ACAD10: variants seen among roughly 807,000 people sequenced by gnomAD.
ACAD10 encodes the protein ACAD-10.
In ACAD10, 112 loss-of-function variants were observed where a neutral mutation model predicts 116.8. That is an observed-to-expected ratio of 0.96 (90% CI 0.82 to 1.12). The LOEUF (loss-of-function observed/expected upper bound fraction) is 1.12. ACAD10 is among the 50% of genes most tolerant of loss of function. The pLI, the probability that ACAD10 is intolerant of heterozygous loss-of-function variation, is 0.00. For synonymous variants in ACAD10, 486 were observed against 510.6 expected (o/e 0.95, Z 0.65); for missense variants, 1,259 against 1,350.2 (o/e 0.93, Z 1.06).
Position 111,692,790 on chromosome 12 carries a change from G to A in ACAD10, c.81G>A (p.Arg27=). The A allele has an allele frequency of 6.2e-7, 1 of 1,614,208 alleles. No homozygotes were observed. Among genetic ancestry groups the A allele is most frequent in the South Asian group, 1.1e-5 (1 of 91,086 alleles). ...CCTTCCTGAAACACACCCAGCGCAG[G>A]CACCAGGGGTCCCACCGATGGACAC... ...RTAFLKHTQR[R]HQGSHRWTHL... The change falls in exon 2 of 21, where the codon AGG becomes AGA. Residue 27 remains arginine, a synonymous_variant. Coordinates refer to ENST00000313698, the MANE Select transcript of ACAD10 (RefSeq NM_025247.6).
chr12:111,705,559 T>C (rs1403728052), intron 3 of ACAD10, among the ~76,000 whole-genome samples, 179 bp from the exon 4 acceptor site: 1 of 152,184 alleles, frequency 6.6e-6, no homozygotes, highest in East Asian at 1.9e-4. Flanking sequence ...AAAAACCTTA[T>C]ATGAGAGTTC....
intron 1 of ACAD10, among the ~76,000 whole-genome samples, chr12:111,689,343 ATTG>A (rs1478068563): frequency 1.3e-5 from 2 of 151,616 alleles, no homozygotes; most frequent in Non-Finnish European, 2.9e-5. Flanking sequence ...TGCATTTTTT[ATTG>A]TTGTGTTGTT....
chr12:111,724,031 CGGCCGGG>C (rs1889135920), intron 8 of ACAD10, among the ~76,000 whole-genome samples: 1 of 151,138 alleles, frequency 6.6e-6, no homozygotes, highest in African/African-American at 2.5e-5. Context: ...GATGTGATGG[CGGCCGGG>C]AAGAGGTGCT....
Position 111,721,679 on chromosome 12 carries a change from A to T in ACAD10, c.1001A>T (p.Lys334Ile). 1.2e-6 allele frequency: 2 copies of T among 1,603,760 alleles called. No homozygotes were observed. The highest frequency in any genetic ancestry group is 1.7e-6 in the Non-Finnish European group (2 of 1,171,748). ...TTCATTTGTCCTTGCAGGATTATGA[A>T]AGCCCTTGCAAATGCTGGAGTACCT... ...HAIEREFRIM[K>I]ALANAGVPVP... Residue 334 changes from lysine (K) to isoleucine (I), a missense_variant, in exon 8 of 21, where the codon AAA becomes ATA. Transcript: ENST00000313698.
At chr12:111,730,698 G>A (rs1352734317) in intron 10 of ACAD10, among the ~76,000 whole-genome samples, 2 of 151,828 alleles carry the variant, frequency 1.3e-5, no homozygotes, top group African/African-American at 2.4e-5. Flanking sequence ...GGGGACTCAG[G>A]CCTTTTATTA....
chr12:111,703,873 G>C (rs2135951064), intron 3 of ACAD10, among the ~76,000 whole-genome samples: 1 of 149,896 alleles, frequency 6.7e-6, no homozygotes, highest in Non-Finnish European at 1.5e-5. Context: ...GGTTAAAATG[G>C]TAAATTTTGT....
intron 9 of ACAD10, among the ~76,000 whole-genome samples, chr12:111,728,743 G>A (rs963181402): frequency 6.6e-5 from 10 of 152,180 alleles, no homozygotes; most frequent in African/African-American, 2.4e-4. Context: ...ACACTGGAGT[G>A]TAGTGGTGTG....
chr12:111,709,279 C>T (rs1888598426), intron 4 of ACAD10, among the ~76,000 whole-genome samples: 1 of 152,168 alleles, frequency 6.6e-6, no homozygotes, highest in Admixed American at 6.6e-5. Flanking sequence ...TGCTCGTTTG[C>T]ACAGGGTCAC....
intron 11 of ACAD10, among the ~76,000 whole-genome samples, chr12:111,736,154 T>TA (rs1889554431): frequency 6.6e-6 from 1 of 150,554 alleles, no homozygotes; most frequent in African/African-American, 2.4e-5. Context: ...GTGCTGGGAT[T>TA]AGAGGCATGA....
intron 7 of ACAD10, among the ~76,000 whole-genome samples, chr12:111,716,214 C>A (rs780241915): frequency 5.3e-5 from 8 of 151,976 alleles, no homozygotes; most frequent in South Asian, 2.1e-4. Context: ...CCCATCCCCC[C>A]CCAAAAAAAA....
intron 6 of ACAD10, among the ~76,000 whole-genome samples, chr12:111,713,965 TG>T (rs2135959672): frequency 6.6e-6 from 1 of 151,210 alleles, no homozygotes; most frequent in South Asian, 2.1e-4. Flanking sequence ...ATAATGTTGC[TG>T]GGTGTGGTAG....
chr12:111,751,725 C>T (rs946796596), intron 18 of ACAD10, among the ~76,000 whole-genome samples: 1 of 148,948 alleles, frequency 6.7e-6, no homozygotes, highest in East Asian at 2.0e-4. Context: ...AGCAAGACTC[C>T]ATCTCAAAAA....
rs1256282716 is a variant in ACAD10 at position 111,736,894 on chromosome 12, A to C, written c.1604A>C (p.Tyr535Ser). 2 of 1,614,182 alleles carry C rather than the reference A, an allele frequency of 1.2e-6. No individual in the cohort carries two copies. Among genetic ancestry groups the C allele is most frequent in the Non-Finnish European group, 1.7e-6 (2 of 1,180,022 alleles). ...GCTGCAGAGGAGTATTTCAGGATGT[A>C]CTGTCTCCAAATGGGGCTCCCTCCC... ...IPAAEEYFRM[Y>S]CLQMGLPPTE... The change falls in exon 12 of 21, where the codon TAC becomes TCC. Residue 535 changes from tyrosine (Y) to serine (S), a missense_variant. Physicochemically the swap from Tyr to Ser is moderately radical, Grantham distance 144. Transcript: ENST00000313698.
At chr12:111,748,824 C>T (rs1446015032) in intron 17 of ACAD10, 12 of 627,620 alleles carry the variant, frequency 1.9e-5, no homozygotes, top group Admixed American at 2.7e-5. Flanking sequence ...TGGTTTGGTC[C>T]GCTCCCAGTT....
intron 19 of ACAD10, among the ~76,000 whole-genome samples, 154 bp from the exon 20 acceptor site, chr12:111,755,514 C>T (rs945044165): frequency 2.6e-5 from 4 of 152,098 alleles, no homozygotes; most frequent in Admixed American, 1.3e-4. Context: ...ACAATCCTCT[C>T]ACCTCAGCCT....
intron 18 of ACAD10, among the ~76,000 whole-genome samples, chr12:111,751,002 A>G (rs529123574): frequency 4.6e-5 from 7 of 152,226 alleles, no homozygotes; most frequent in South Asian, 4.1e-4. Context: ...TCAGCCCCAC[A>G]TGGAATTAAA....
intron 13 of ACAD10, 170 bp downstream of exon 13, chr12:111,745,213 A>G: frequency 2.7e-6 from 2 of 747,496 alleles, no homozygotes; most frequent in South Asian, 2.0e-5. Context: ...CTCAGTTTCC[A>G]TCTCTTGCTC....
chr12:111,744,487 A>T, intron 12 of ACAD10, 156 bp from the exon 13 acceptor site: 1 of 860,658 alleles, frequency 1.2e-6, no homozygotes, highest in African/African-American at 1.7e-5. Flanking sequence ...TGCTTTGGGG[A>T]TTCAGTGAGC....
intron 18 of ACAD10, among the ~76,000 whole-genome samples, chr12:111,750,984 A>G (rs1415925725): frequency 6.6e-6 from 1 of 152,202 alleles, no homozygotes; most frequent in Non-Finnish European, 1.5e-5. Flanking sequence ...GGACTCAGGT[A>G]TGGTGCTTCA....
Sources: gnomAD v4.1 joint callset for allele counts (sites outside exome capture counted in the v4.1 genomes callset) on GRCh38, gnomAD v4.1.1 for gene constraint, MANE v1.5 for transcripts, NCBI Gene and HGNC (gene_info 2026-07-23, HGNC 2026-07-21) for gene names.